The following PCDH9 variants were observed in gnomAD, a reference collection of about 807,000 sequenced individuals.
The protein encoded by PCDH9 is protocadherin 9, also known as protocadherin-9.
In PCDH9, 24 loss-of-function variants were observed where a neutral mutation model predicts 70.6. The observed-to-expected ratio is 0.34, with a 90% CI of 0.25 to 0.48. PCDH9 has a LOEUF of 0.48. Among genes scored for constraint, PCDH9 ranks in the 20% least tolerant of loss-of-function variants. PCDH9 has a pLI of 0.99. For missense variants in PCDH9, 1,281 were observed against 1,503.6 expected, an observed-to-expected ratio of 0.85 and a Z score of 2.45; for synonymous variants, 562 against 558.5, an observed-to-expected ratio of 1.01 and a Z score of -0.09.
intron 2 of PCDH9, among the ~76,000 whole-genome samples, chr13:67,168,453 C>CA (rs2088183565): frequency 6.6e-6 from 1 of 152,074 alleles, no homozygotes; most frequent in African/African-American, 2.4e-5. Flanking sequence ...TCAAGCCACG[C>CA]ACAGTGGCTC....
chr13:66,704,203 T>C (rs2078683686), intron 3 of PCDH9, among the ~76,000 whole-genome samples: 1 of 152,188 alleles, frequency 6.6e-6, no homozygotes, highest in Non-Finnish European at 1.5e-5. Context: ...AACAACAAGC[T>C]TGTTCATACA....
chr13:67,027,127 A>G (rs2084799000), intron 2 of PCDH9, among the ~76,000 whole-genome samples: 1 of 152,074 alleles, frequency 6.6e-6, no homozygotes, highest in African/African-American at 2.4e-5. Flanking sequence ...AGCCAAAAGA[A>G]CAAAGCTGGA....
chr13:66,469,681 G>T (rs968823439), intron 4 of PCDH9, among the ~76,000 whole-genome samples: 3 of 151,998 alleles, frequency 2.0e-5, no homozygotes, highest in Non-Finnish European at 4.4e-5. Context: ...ATCAAGGTGT[G>T]ATTACAGTGC....
At chr13:66,405,354 G>T (rs1363239263) in intron 4 of PCDH9, among the ~76,000 whole-genome samples, 2 of 152,086 alleles carry the variant, frequency 1.3e-5, no homozygotes, top group Non-Finnish European at 2.9e-5. Context: ...ATTTGCATTT[G>T]CACAGTTTAC....
intron 4 of PCDH9, among the ~76,000 whole-genome samples, chr13:66,333,529 G>C (rs1195098109): frequency 1.3e-5 from 2 of 152,102 alleles, no homozygotes; most frequent in African/African-American, 4.8e-5. Flanking sequence ...AATTACTTTA[G>C]ATAGAAATTT....
chr13:66,800,925 A>G (rs1190956186), intron 3 of PCDH9, among the ~76,000 whole-genome samples: 2 of 152,032 alleles, frequency 1.3e-5, no homozygotes, highest in Admixed American at 6.6e-5. Flanking sequence ...GGCACATCCT[A>G]ACTATTCAAT....
At chr13:67,217,856 A>G (rs2089642700) in intron 2 of PCDH9, 1 of 152,082 alleles carries the variant, frequency 6.6e-6, no homozygotes, top group Non-Finnish European at 1.5e-5. Flanking sequence ...GAGATACCAC[A>G]AGGAAGTACA....
chr13:66,498,152 T>A (rs1959146992), intron 4 of PCDH9, among the ~76,000 whole-genome samples: 1 of 120,720 alleles, frequency 8.3e-6, no homozygotes. Flanking sequence ...ATTATTATTA[T>A]TTTTTTTTTG....
chr13:67,003,600 T>A (rs575134054), intron 2 of PCDH9, among the ~76,000 whole-genome samples: 4 of 152,170 alleles, frequency 2.6e-5, no homozygotes, highest in African/African-American at 9.7e-5. Context: ...GGACTTTGAA[T>A]GTACCTGGAA....
In PCDH9 at chr13:67,140,033, CCCCCCG is replaced by C. The variant is rs1389433254; in HGVS notation, c.3036+85366_3036+85371del. The stretch of plus-strand genomic sequence containing the variant: ...AATGTGATTTTTTGATCACCCCCCC[CCCCCCG>C]CCCATTGTGTTATTTTTTAAAACAA... On this transcript the variant is annotated intron_variant, in intron 2 of 4. Transcript: ENST00000377865. Among the ~76,000 whole-genome samples the C allele has an allele frequency of 5.7e-4, 69 of 121,914 alleles. 2 individuals carry two copies. Among genetic ancestry groups the C allele is most frequent in the African/African-American group, 2.1e-3 (69 of 33,404 alleles). 80.0% of individuals were successfully genotyped at this position (121,914 alleles called of 152,430 possible). A position where few individuals can be genotyped will look rare whatever the true frequency, so the allele number is the denominator to read the frequency against.
intron 3 of PCDH9, among the ~76,000 whole-genome samples, chr13:66,675,819 G>T (rs1416646237): frequency 6.6e-6 from 1 of 152,090 alleles, no homozygotes; most frequent in Non-Finnish European, 1.5e-5. Flanking sequence ...TAGCTCTGTT[G>T]ACAAGAAATC....
Position 66,352,131 on chromosome 13 carries a change from C to T in PCDH9, c.3341-47103G>A, listed in dbSNP as rs535730472. ...GATTACAGGCATGAGCCACCGTGCC[C>T]GGCCTACACATTCATTTCTTATGCT... On this transcript the variant is annotated intron_variant, in intron 4 of 4. Coordinates refer to ENST00000377865, the MANE Select transcript of PCDH9 (RefSeq NM_203487.3). Among the ~76,000 whole-genome samples the T allele has an allele frequency of 1.4e-4, 22 of 152,172 alleles. 1 individual carries two copies. Among genetic ancestry groups the T allele is most frequent in the Admixed American group, 9.2e-4 (14 of 15,272 alleles).
intron 3 of PCDH9, among the ~76,000 whole-genome samples, chr13:66,742,414 A>T (rs1486043768): frequency 2.5e-5 from 3 of 118,506 alleles, no homozygotes; most frequent in Non-Finnish European, 5.1e-5. Flanking sequence ...AGGCATTACC[A>T]TTCAGGACAT....
intron 4 of PCDH9, among the ~76,000 whole-genome samples, chr13:66,397,023 G>C (rs1957111958): frequency 6.6e-6 from 1 of 152,076 alleles, no homozygotes; most frequent in Non-Finnish European, 1.5e-5. Context: ...CACTCCAAGA[G>C]AACATTAATG....
intron 4 of PCDH9, among the ~76,000 whole-genome samples, chr13:66,429,905 T>C (rs1282828194): frequency 1.3e-5 from 2 of 151,990 alleles, no homozygotes; most frequent in African/African-American, 4.8e-5. Flanking sequence ...GGAATGCAAA[T>C]GCCAGTGAGA....
chr13:66,599,232 C>A (rs1317377499), intron 4 of PCDH9, among the ~76,000 whole-genome samples: 2 of 151,576 alleles, frequency 1.3e-5, no homozygotes, highest in South Asian at 2.1e-4. Flanking sequence ...TTGTGAAATA[C>A]AATTGCATGA....
chr13:66,948,070 G>A (rs375768835), intron 2 of PCDH9, among the ~76,000 whole-genome samples: 9 of 152,216 alleles, frequency 5.9e-5, no homozygotes, highest in African/African-American at 2.2e-4. Flanking sequence ...GTGGATGTGT[G>A]GGGGCTAATG....
At chr13:67,146,789 C>T (rs2087533414) in intron 2 of PCDH9, among the ~76,000 whole-genome samples, 1 of 152,130 alleles carries the variant, frequency 6.6e-6, no homozygotes, top group Admixed American at 6.6e-5. Flanking sequence ...AGTACTCTGC[C>T]AGAAAAGCCT....
chr13:66,714,261 C>T (rs2078839020), intron 3 of PCDH9, among the ~76,000 whole-genome samples: 2 of 151,766 alleles, frequency 1.3e-5, no homozygotes, highest in Admixed American at 6.6e-5. Flanking sequence ...TTCAGGAGAT[C>T]GAGACCATCC....
Sources: allele counts gnomAD v4.1 joint callset (sites outside exome capture counted in the v4.1 genomes callset), GRCh38; gene constraint gnomAD v4.1.1; transcripts MANE v1.5; gene names NCBI Gene and HGNC (gene_info 2026-07-23, HGNC 2026-07-21).